ZNF154: variants seen among roughly 807,000 people sequenced by gnomAD.
ZNF154 encodes the protein zinc finger protein 154.
Under a neutral mutation model 7.5 loss-of-function variants are expected in ZNF154, and 6 were observed. The observed-to-expected ratio is 0.80, with a 90% confidence interval of 0.44 to 1.57. The LOEUF (loss-of-function observed/expected upper bound fraction) is 1.57, where lower values mean the gene tolerates loss of function less well. ZNF154 is among the 40% of genes most tolerant of loss of function. The pLI is 0.01. For missense variants in ZNF154, 485 were observed against 531.4 expected, an observed-to-expected ratio of 0.91 and a Z score of 0.86; for synonymous variants, 187 against 185.9, an observed-to-expected ratio of 1.01 and a Z score of -0.05.
rs1985103341 is a variant in ZNF154, at chr19:57,700,945, A to G, written c.*690T>C. On this transcript the variant is annotated 3_prime_UTR_variant, in exon 3 of 3. Coordinates refer to ENST00000684351, the MANE Select transcript of ZNF154 (RefSeq NM_001085384.3). Reference sequence around the variant, plus strand: ...ACTGTTTTCAAACCAACCCATACATATAGAACCCCCAAGATTAATAAGGCC... The same window carrying G: ...ACTGTTTTCAAACCAACCCATACATGTAGAACCCCCAAGATTAATAAGGCC... 1 of 152,432 alleles carries G rather than the reference A, an allele frequency of 6.6e-6. No individual in the cohort carries two copies. Among genetic ancestry groups the G allele is most frequent in the South Asian group, 2.1e-4 (1 of 4,836 alleles). 9.4% of individuals were successfully genotyped at this position (152,432 alleles called of 1,614,324 possible).
In ZNF154 at chr19:57,702,022, T is replaced by C; in HGVS notation, c.927A>G (p.Ser309=). 2 of 1,612,588 alleles carry C rather than the reference T, an allele frequency of 1.2e-6. No individual in the cohort carries two copies. Among genetic ancestry groups the C allele is most frequent in the Non-Finnish European group, 1.7e-6 (2 of 1,179,648 alleles). Residue 309 remains serine (S), a synonymous_variant, in exon 3 of 3, where the codon TCA becomes TCG. Coordinates refer to ENST00000684351, the MANE Select transcript of ZNF154 (RefSeq NM_001085384.3). ...CAATGAGGCTAGAGTTTTGGCTAAATGACTTCCCACATTCGCTGCACTCAT... is the reference window on the plus strand; with the variant it reads ...CAATGAGGCTAGAGTTTTGGCTAAACGACTTCCCACATTCGCTGCACTCAT... ...RPYECSECGK[S]FSQNSSLIEH...
chr19:57,707,995 G>C (rs546763441), intron 1 of ZNF154, among the ~76,000 whole-genome samples: 1 of 152,218 alleles, frequency 6.6e-6, no homozygotes, highest in Admixed American at 6.5e-5. Context: ...CTGAGGGACC[G>C]AACACTCTCC....
Position 57,704,935 on chromosome 19 carries a change from C to G in ZNF154, c.78G>C (p.Glu26Asp). 6.2e-7 allele frequency: 1 copy of G among 1,613,796 alleles called. No homozygotes were observed. Among genetic ancestry groups the G allele is most frequent in the Non-Finnish European group, 8.5e-7 (1 of 1,179,892 alleles). ...GAGCCTCATCAAGGAGACCCCATTCCTCCCAGGAGAAGTGTACGGCCACAT... is the reference window on the plus strand; with the variant it reads ...GAGCCTCATCAAGGAGACCCCATTCGTCCCAGGAGAAGTGTACGGCCACAT... The part of the protein sequence containing the change: ...FEDVAVHFSW[E>D]EWGLLDEAQR... The change falls in exon 2 of 3, where the codon GAG (glutamate) becomes GAC (aspartate). Residue 26 changes from glutamate (E) to aspartate (D), a missense_variant. Glu to Asp is a conservative substitution (Grantham distance 45, BLOSUM62 2). Transcript: ENST00000684351.
At chr19:57,702,902 G>A (rs1057019409) in intron 2 of ZNF154, 114 bp from the exon 3 acceptor site, 22 of 1,030,162 alleles carry the variant, frequency 2.1e-5, no homozygotes, top group African/African-American at 3.2e-5. Flanking sequence ...CAGGCTACAC[G>A]TCTCACAGTG....
At position 57,708,369 on chromosome 19, in the gene ZNF154, A is replaced by C. The variant is rs142241570; in HGVS notation, c.33+570T>G. 2.2e-3 allele frequency among the ~76,000 whole-genome samples: 338 copies of C among 152,284 alleles called. 3 individuals are homozygous for C. The highest frequency in any genetic ancestry group is 7.3e-3 in the African/African-American group (303 of 41,580). On this transcript the variant is annotated intron_variant, in intron 1 of 2. Transcript: ENST00000684351. Reference sequence around the variant, plus strand: ...GATCACTTGTCAGGAGTTCCAGACCAGTCTGGCCAAAATGGTGAAATCCCG... The same window carrying C: ...GATCACTTGTCAGGAGTTCCAGACCCGTCTGGCCAAAATGGTGAAATCCCG...
In ZNF154 at chr19:57,704,701, A is replaced by T. The variant is rs908152486; in HGVS notation, c.160+152T>A. On this transcript the variant is annotated intron_variant, in intron 2 of 2. Transcript: ENST00000684351. The stretch of plus-strand genomic sequence containing the variant: ...TCAAGGAGAGGAGAAGACAGTATGC[A>T]CACCTTAGTCTTACCAATGACAGAA... 135 of 1,060,738 alleles carry T rather than the reference A, an allele frequency of 1.3e-4. 1 individual carries two copies. The highest frequency in any genetic ancestry group is 3.5e-4 in the South Asian group (18 of 51,540). The allele number at this position is 1,060,738 out of a possible 1,614,324, so 65.7% of individuals were successfully genotyped here.
In ZNF154 at chr19:57,697,513, T is replaced by C. The variant is rs1984943894; in HGVS notation, c.*4122A>G. 1 of 152,192 alleles carries C rather than the reference T, an allele frequency of 6.6e-6. No individual in the cohort carries two copies. The highest frequency in any genetic ancestry group is 2.1e-4 in the South Asian group (1 of 4,832). 9.4% of individuals were successfully genotyped at this position (152,192 alleles called of 1,614,324 possible). On this transcript the variant is annotated 3_prime_UTR_variant, in exon 3 of 3. Coordinates refer to ENST00000684351, the MANE Select transcript of ZNF154 (RefSeq NM_001085384.3). ...ACATTTGGATCCTGAATAAAAATGA[T>C]CTTCCTTAAGAAACACATTGTTTTA...
intron 2 of ZNF154, among the ~76,000 whole-genome samples, 155 bp downstream of exon 2, chr19:57,704,698 T>G (rs2062268507): frequency 6.6e-6 from 1 of 152,088 alleles, no homozygotes; most frequent in African/African-American, 2.4e-5. Flanking sequence ...GAAGACAGTA[T>G]GCACACCTTA....
intron 2 of ZNF154, among the ~76,000 whole-genome samples, chr19:57,703,417 G>A (rs181786582): frequency 2.7e-5 from 4 of 149,006 alleles, no homozygotes; most frequent in East Asian, 2.0e-4. Flanking sequence ...CCCGGGAGGC[G>A]GAGGTTGCAG....
chr19:57,706,840 G>A lies in ZNF154; in HGVS notation c.34-1861C>T, dbSNP rs1985414335. ...AGATTAACCCTTGTAGGCCGGATGC[G>A]GTGGCTTACGCCTGTAATCCCAGAA... On this transcript the variant is annotated intron_variant, in intron 1 of 2. Transcript: ENST00000684351. Among the ~76,000 whole-genome samples, 2 of 152,336 alleles carry A rather than the reference G, an allele frequency of 1.3e-5. 1 individual carries two copies. The highest frequency in any genetic ancestry group is 4.1e-4 in the South Asian group (2 of 4,834).
In ZNF154 at chr19:57,708,995, C is replaced by G; in HGVS notation, c.-24G>C. On this transcript the variant is annotated 5_prime_UTR_variant, in exon 1 of 3. Transcript: ENST00000684351. ...ATCAGACTCTGCGGGTAGAGCTGGG[C>G]CGGGAGCGACGGGCGACATTGGTAG... The G allele has an allele frequency of 1.3e-6, 2 of 1,554,468 alleles. No individual in the cohort carries two copies. Among genetic ancestry groups the G allele is most frequent in the East Asian group, 2.4e-5 (1 of 41,148 alleles).
At position 57,708,909 on chromosome 19, in the gene ZNF154, T is replaced by C. The variant is rs757719204; in HGVS notation, c.33+30A>G. ...GCTTTAGAACGTGGGTGGGGGAAGG[T>C]GTGTGAGGACGGGAAGACGCCGCAC... On this transcript the variant is annotated intron_variant, in intron 1 of 2. Coordinates refer to ENST00000684351, the MANE Select transcript of ZNF154 (RefSeq NM_001085384.3). 3 of 1,556,238 alleles carry C rather than the reference T, an allele frequency of 1.9e-6. No homozygotes were observed. The South Asian group carries it at 3.6e-5, about 18-fold the overall frequency.
In ZNF154 at chr19:57,702,735, C is replaced by T; in HGVS notation, c.214G>A (p.Gly72Ser). 1 of 1,605,654 alleles carries T rather than the reference C, an allele frequency of 6.2e-7. No individual in the cohort carries two copies. The highest frequency in any genetic ancestry group is 8.5e-7 in the Non-Finnish European group (1 of 1,173,118). Reference protein sequence around the residue: ...LGEKHFRSNVGRALFVKTCTF... With the variant: ...LGEKHFRSNVSRALFVKTCTF... Reference sequence around the variant, plus strand: ...CAGGTCTTCACAAACAAGGCTCTGCCCACATTGCTTCTGAAATGTTTTTCT... The same window carrying T: ...CAGGTCTTCACAAACAAGGCTCTGCTCACATTGCTTCTGAAATGTTTTTCT... The change falls in exon 3 of 3, where the codon GGC becomes AGC. Residue 72 changes from glycine (G) to serine (S), a missense_variant. Physicochemically the swap from Gly to Ser is moderately conservative, Grantham distance 56. Coordinates refer to ENST00000684351, the MANE Select transcript of ZNF154 (RefSeq NM_001085384.3).
rs1430054768 is a variant in ZNF154, at chr19:57,700,789, A to C, written c.*846T>G. On this transcript the variant is annotated 3_prime_UTR_variant, in exon 3 of 3. Transcript: ENST00000684351. The stretch of plus-strand genomic sequence containing the variant: ...TTCTCAGAGGCCTTGAATAGCAATG[A>C]AAACTAGGCTCAAACTAGAGAGAGA... 6.6e-6 allele frequency: 1 copy of C among 152,214 alleles called. No individual in the cohort carries two copies. The highest frequency in any genetic ancestry group is 6.5e-5 in the Admixed American group (1 of 15,274). 9.4% of individuals were successfully genotyped at this position (152,214 alleles called of 1,614,324 possible).
At chr19:57,705,605 T>G (rs1315103310) in intron 1 of ZNF154, among the ~76,000 whole-genome samples, 2 of 151,882 alleles carry the variant, frequency 1.3e-5, no homozygotes, top group Non-Finnish European at 2.9e-5. Flanking sequence ...AATACAAAAA[T>G]TAGCCGGGCG....
At chr19:57,708,059 G>C (rs1411022142) in intron 1 of ZNF154, among the ~76,000 whole-genome samples, 1 of 152,186 alleles carries the variant, frequency 6.6e-6, no homozygotes, top group Admixed American at 6.5e-5. Context: ...ACCAGGGAAA[G>C]AGGAATGCAT....
intron 2 of ZNF154, 26 bp from the exon 3 acceptor site, chr19:57,702,814 AC>A: frequency 1.9e-6 from 3 of 1,577,874 alleles, no homozygotes; most frequent in Non-Finnish European, 2.6e-6. Flanking sequence ...ATTATTTCCC[AC>A]ATGCCCCACC....
chr19:57,700,563 G>T lies in ZNF154; in HGVS notation c.*1072C>A, dbSNP rs1431915207. ...TTACCACCTGTGGTGCTACCCTGTGGAATTCAGGATATCAAGGCATACAGG... is the reference window on the plus strand; with the variant it reads ...TTACCACCTGTGGTGCTACCCTGTGTAATTCAGGATATCAAGGCATACAGG... On this transcript the variant is annotated 3_prime_UTR_variant, in exon 3 of 3. Coordinates refer to ENST00000684351, the MANE Select transcript of ZNF154 (RefSeq NM_001085384.3). The T allele has an allele frequency of 6.6e-6, 1 of 152,180 alleles. No individual in the cohort carries two copies. Among genetic ancestry groups the T allele is most frequent in the Non-Finnish European group, 1.5e-5 (1 of 68,040 alleles). 9.4% of individuals were successfully genotyped at this position (152,180 alleles called of 1,614,324 possible).
intron 2 of ZNF154, among the ~76,000 whole-genome samples, chr19:57,704,514 C>T (rs578034211): frequency 6.6e-6 from 1 of 152,212 alleles, no homozygotes; most frequent in South Asian, 2.1e-4. Flanking sequence ...AATGCCAGCT[C>T]GGGATGGAAG....
Sources: allele counts gnomAD v4.1 joint callset (sites outside exome capture counted in the v4.1 genomes callset), GRCh38; gene constraint gnomAD v4.1.1; transcripts MANE v1.5; gene names NCBI Gene and HGNC (gene_info 2026-07-23, HGNC 2026-07-21).